Variants in ALPK1 observed in about 807,000 individuals in gnomAD.
ALPK1 encodes alpha-protein kinase 1.
In ALPK1, 110 loss-of-function variants were observed where a neutral mutation model predicts 120.6. The observed-to-expected ratio is 0.91, with a 90% CI of 0.78 to 1.07. The LOEUF is 1.07. Ranked by LOEUF, ALPK1 falls within the 50% of genes least tolerant of loss-of-function variation. The probability of loss-of-function intolerance (pLI) is 0.00; values close to 1 mark genes in which losing one functional copy is unlikely to be tolerated. For missense variants in ALPK1, 1,498 were observed against 1,483.9 expected (o/e 1.01, Z -0.16); for synonymous variants, 582 against 560.3 (o/e 1.04, Z -0.55).
intron 1 of ALPK1, among the ~76,000 whole-genome samples, chr4:112,309,596 C>CA (rs1728305776): frequency 6.6e-6 from 1 of 152,068 alleles, no homozygotes; most frequent in Admixed American, 6.6e-5. Context: ...GTTGGAAATG[C>CA]AGAAATCACC....
At chr4:112,403,168 C>A (rs1381152057) in intron 4 of ALPK1, among the ~76,000 whole-genome samples, 1 of 152,132 alleles carries the variant, frequency 6.6e-6, no homozygotes, top group East Asian at 1.9e-4. Context: ...GTTTGGCCCT[C>A]TTTCATTTTT....
intron 4 of ALPK1, among the ~76,000 whole-genome samples, chr4:112,396,369 G>A (rs986101388): frequency 6.6e-6 from 1 of 152,080 alleles, no homozygotes; most frequent in African/African-American, 2.4e-5. Context: ...TCTATGATTT[G>A]TGATACTAGA....
rs185306289 is a variant in ALPK1 at position 112,405,123 on chromosome 4, T to C, written c.277-6704T>C. Among the ~76,000 whole-genome samples, 327 of 152,328 alleles carry C rather than the reference T, an allele frequency of 2.1e-3. 1 individual carries two copies. Among genetic ancestry groups the C allele is most frequent in the African/African-American group, 5.4e-3 (224 of 41,584 alleles). On this transcript the variant is annotated intron_variant, in intron 4 of 15. Coordinates refer to ENST00000650871, the MANE Select transcript of ALPK1 (RefSeq NM_025144.4). ...GGGGACCCTCTGCAGATCTCTGAAC[T>C]TGCTTTGTGCAGCTATTTTCTTCTG...
chr4:112,356,638 G>A (rs1296437284), intron 2 of ALPK1: 2 of 802,416 alleles, frequency 2.5e-6, no homozygotes, highest in Admixed American at 1.8e-5. Flanking sequence ...ATGGCAAGTC[G>A]CTCTGTCATT....
At chr4:112,394,355 A>G (rs923925700) in intron 4 of ALPK1, among the ~76,000 whole-genome samples, 2 of 152,264 alleles carry the variant, frequency 1.3e-5, no homozygotes, top group Non-Finnish European at 2.9e-5. Flanking sequence ...TATAATTTTC[A>G]ATAATCAACA....
At position 112,302,917 on chromosome 4, in the gene ALPK1, T is replaced by G. The variant is rs564970368; in HGVS notation, c.-153+5448T>G. Among the ~76,000 whole-genome samples the G allele has an allele frequency of 2.6e-5, 4 of 152,306 alleles. No homozygotes were observed. In the East Asian group the frequency reaches 7.7e-4, roughly 29 times the overall value. On this transcript the variant is annotated intron_variant, in intron 1 of 15. Transcript: ENST00000650871. ...GCATTTGCCCTGAACTTACTTACATTCATGTATCAGAGGCTTCCCAGGAGA... is the reference window on the plus strand; with the variant it reads ...GCATTTGCCCTGAACTTACTTACATGCATGTATCAGAGGCTTCCCAGGAGA...
At chr4:112,432,672 A>G in intron 11 of ALPK1, 91 bp downstream of exon 11, 2 of 1,244,406 alleles carry the variant, frequency 1.6e-6, no homozygotes, top group Non-Finnish European at 2.2e-6. Flanking sequence ...CTTAAAGCTC[A>G]TGAAAGGTAT....
At chr4:112,395,887 G>A (rs940021749) in intron 4 of ALPK1, among the ~76,000 whole-genome samples, 5 of 151,986 alleles carry the variant, frequency 3.3e-5, no homozygotes, top group Non-Finnish European at 5.9e-5. Context: ...CCAATTATGA[G>A]GCATCATTTG....
intron 2 of ALPK1, among the ~76,000 whole-genome samples, chr4:112,372,725 T>C (rs1731470570): frequency 6.6e-6 from 1 of 152,128 alleles, no homozygotes; most frequent in Admixed American, 6.5e-5. Flanking sequence ...TCTTGAACTT[T>C]TTCCTCCTGT....
chr4:112,375,969 G>A (rs1231279926), intron 2 of ALPK1, among the ~76,000 whole-genome samples: 2 of 152,112 alleles, frequency 1.3e-5, no homozygotes, highest in African/African-American at 4.8e-5. Flanking sequence ...AGGGAATAGG[G>A]AAGCCTGAGG....
At position 112,432,551 on chromosome 4, in the gene ALPK1, T is replaced by C; in HGVS notation, c.3004T>C (p.Phe1002Leu). 1 of 1,613,578 alleles carries C rather than the reference T, an allele frequency of 6.2e-7. No homozygotes were observed. Among genetic ancestry groups the C allele is most frequent in the South Asian group, 1.1e-5 (1 of 91,066 alleles). Residue 1002 changes from phenylalanine to leucine, a missense_variant, in exon 11 of 16, where the codon TTT becomes CTT. Transcript: ENST00000650871. ...TCAGAGACTAGAGAATACGGGGGTT[T>C]TTAAGCCCAGTCAACTCCACCGAGC... ...LFQRLENTGV[F>L]KPSQLHRAHS...
chr4:112,344,053 G>A (rs930224760), intron 2 of ALPK1, among the ~76,000 whole-genome samples: 1 of 152,176 alleles, frequency 6.6e-6, no homozygotes, highest in East Asian at 1.9e-4. Context: ...CCTGCCTTCC[G>A]AGAGAGGCTT....
In ALPK1 at chr4:112,431,089, A is replaced by G. The variant is rs554262050; in HGVS notation, c.1542A>G (p.Arg514=). 4.3e-6 allele frequency: 7 copies of G among 1,614,258 alleles called. No homozygotes were observed. In the East Asian group the frequency reaches 1.3e-4, roughly 31 times the overall value. ...CTCAAGAAAAGCCACATTGTCAAAG[A>G]GACACAGGAATATCTTCCTCCCTAA... The part of the protein sequence containing the change: ...STTQEKPHCQ[R]DTGISSSLMG... Residue 514 remains arginine (R), a synonymous_variant, in exon 11 of 16, where the codon AGA becomes AGG. Coordinates refer to ENST00000650871, the MANE Select transcript of ALPK1 (RefSeq NM_025144.4).
At chr4:112,419,817 C>G (rs1733911380) in intron 5 of ALPK1, among the ~76,000 whole-genome samples, 1 of 152,152 alleles carries the variant, frequency 6.6e-6, no homozygotes. Flanking sequence ...TGCCTTGGTT[C>G]ATATCTTTTG....
intron 3 of ALPK1, among the ~76,000 whole-genome samples, chr4:112,380,629 TTCTG>T (rs1221805571): frequency 6.6e-6 from 1 of 152,186 alleles, no homozygotes; most frequent in African/African-American, 2.4e-5. Context: ...CTTTTGTTCT[TTCTG>T]TCATATCTCT....
At chr4:112,303,820 T>C (rs1727898403) in intron 1 of ALPK1, among the ~76,000 whole-genome samples, 1 of 152,130 alleles carries the variant, frequency 6.6e-6, no homozygotes, top group Non-Finnish European at 1.5e-5. Context: ...TATATATGTA[T>C]ACATGTGCTG....
In ALPK1 at chr4:112,438,571, G is replaced by GACAGAATTTA; in HGVS notation, c.3280_3289dup (p.Lys1097ArgfsTer3). 1 of 1,613,840 alleles carries GACAGAATTTA rather than the reference G, an allele frequency of 6.2e-7. No homozygotes were observed. Among genetic ancestry groups the GACAGAATTTA allele is most frequent in the Non-Finnish European group, 8.5e-7 (1 of 1,179,812 alleles). The stretch of plus-strand genomic sequence containing the variant: ...GACAGATGACCGCACAGCACTATGT[G>GACAGAATTTA]ACAGAATTTAACAAGAGACTCTATG... On this transcript the variant is annotated frameshift_variant, in exon 13 of 16. Coordinates refer to ENST00000650871, the MANE Select transcript of ALPK1 (RefSeq NM_025144.4). LOFTEE classifies it high-confidence loss of function.
At position 112,425,636 on chromosome 4, in the gene ALPK1, T is replaced by TA. The variant is rs773206030; in HGVS notation, c.536-29_536-28insA. ...ATTTGCAAGGCTATATCTCTGATAATTCAAGGGAATTTTCATCTTTTCTTT... is the reference window on the plus strand; with the variant it reads ...ATTTGCAAGGCTATATCTCTGATAATATCAAGGGAATTTTCATCTTTTCTTT... On this transcript the variant is annotated intron_variant, in intron 6 of 15. Transcript: ENST00000650871. 21 of 1,590,504 alleles carry TA rather than the reference T, an allele frequency of 1.3e-5. No individual in the cohort carries two copies. The African/African-American group carries it at 2.8e-4, about 21-fold the overall frequency.
intron 4 of ALPK1, among the ~76,000 whole-genome samples, chr4:112,397,523 C>A (rs949726729): frequency 6.6e-6 from 1 of 152,262 alleles, no homozygotes; most frequent in East Asian, 1.9e-4. Context: ...AAATCGAGAC[C>A]TCTACGTCTT....
Sources: allele counts gnomAD v4.1 joint callset (sites outside exome capture counted in the v4.1 genomes callset), GRCh38; gene constraint gnomAD v4.1.1; transcripts MANE v1.5; gene names NCBI Gene and HGNC (gene_info 2026-07-23, HGNC 2026-07-21).